The following PADI1 variants were observed in gnomAD, a reference collection of about 807,000 sequenced individuals.
PADI1 encodes peptidyl arginine deiminase 1, also known as protein-arginine deiminase type-1.
PADI1 carries 65 observed loss-of-function variants against 74.8 expected under a neutral mutation model. That is an observed-to-expected ratio of 0.87 (90% confidence interval 0.71 to 1.07). The LOEUF (loss-of-function observed/expected upper bound fraction) is 1.07. PADI1 is among the 50% of genes least tolerant of loss of function. The probability of loss-of-function intolerance (pLI) is 0.00; values close to 1 mark genes in which losing one functional copy is unlikely to be tolerated. For missense variants in PADI1, 943 were observed against 854.0 expected, an observed-to-expected ratio of 1.10 and a Z score of -1.30; for synonymous variants, 371 against 336.2, an observed-to-expected ratio of 1.10 and a Z score of -1.13.
At chr1:17,224,525 TC>T in intron 4 of PADI1, 97 bp downstream of exon 4, 1 of 933,296 alleles carries the variant, frequency 1.1e-6, no homozygotes, top group Non-Finnish European at 1.7e-6. Flanking sequence ...GAATGATGGA[TC>T]CCCAGGGTCT....
At chr1:17,224,220 G>T in intron 3 of PADI1, 147 bp from the exon 4 acceptor site, 1 of 680,798 alleles carries the variant, frequency 1.5e-6, no homozygotes, top group Non-Finnish European at 2.7e-6. Flanking sequence ...AGCCACAGAG[G>T]TCTCCCAAGT....
intron 1 of PADI1, among the ~76,000 whole-genome samples, chr1:17,210,737 C>A (rs893538378): frequency 6.6e-6 from 1 of 152,182 alleles, no homozygotes; most frequent in African/African-American, 2.4e-5. Flanking sequence ...GGACATCAGC[C>A]ATTGCCCTCC....
rs201459062 is a variant in PADI1 at position 17,228,792 on chromosome 1, C to T, written c.820C>T (p.Pro274Ser). The part of the protein sequence containing the change: ...LVSLSVSLVD[P>S]GTLPEVTLFT... Reference sequence around the variant, plus strand: ...TTCCCTCAGTGTCAGCCTGGTGGACCCGGGGGTGTGTACAGCACTGGGGGG... The same window carrying T: ...TTCCCTCAGTGTCAGCCTGGTGGACTCGGGGGTGTGTACAGCACTGGGGGG... The change falls in exon 7 of 16, where the codon CCG becomes TCG. Residue 274 changes from proline to serine, a missense_variant. By Grantham distance (74) the Pro-to-Ser change is moderately conservative. Coordinates refer to ENST00000375471, the MANE Select transcript of PADI1 (RefSeq NM_013358.3). 3.7e-6 allele frequency: 6 copies of T among 1,613,798 alleles called. No individual in the cohort carries two copies. The highest frequency in any genetic ancestry group is 5.1e-6 in the Non-Finnish European group (6 of 1,179,918).
chr1:17,229,074 C>T (rs2072412253), intron 8 of PADI1, 23 bp downstream of exon 8: 23 of 1,442,242 alleles, frequency 1.6e-5, no homozygotes, highest in Non-Finnish European at 2.1e-5. Flanking sequence ...CCCTCCAGCC[C>T]TCCCCCAAGT....
intron 1 of PADI1, among the ~76,000 whole-genome samples, chr1:17,210,579 C>A (rs938384564): frequency 6.6e-6 from 1 of 152,082 alleles, no homozygotes; most frequent in Non-Finnish European, 1.5e-5. Context: ...TCAGCCTGGG[C>A]TCTCTGGGCG....
rs188868915 is a variant in PADI1 at position 17,230,947 on chromosome 1, C to T, written c.1161+268C>T. Among the ~76,000 whole-genome samples the T allele has an allele frequency of 9.8e-5, 15 of 152,290 alleles. No homozygotes were observed. In the East Asian group the frequency reaches 1.7e-3, roughly 18 times the overall value. On this transcript the variant is annotated intron_variant, in intron 10 of 15. Transcript: ENST00000375471. Reference sequence around the variant, plus strand: ...GTCAGCAGCCCTCTTCTGGATAAGGCGGCTGGTCACCAAGGGGGAATTGGC... The same window carrying T: ...GTCAGCAGCCCTCTTCTGGATAAGGTGGCTGGTCACCAAGGGGGAATTGGC...
At chr1:17,223,515 G>A (rs1034301483) in intron 2 of PADI1, 106 bp from the exon 3 acceptor site, 2 of 881,998 alleles carry the variant, frequency 2.3e-6, no homozygotes, top group East Asian at 5.0e-5. Context: ...GGGTCTCCAG[G>A]CCTCCTGTGC....
At chr1:17,207,696 C>T (rs1025695560) in intron 1 of PADI1, among the ~76,000 whole-genome samples, 20 of 152,212 alleles carry the variant, frequency 1.3e-4, no homozygotes, top group African/African-American at 4.3e-4. Context: ...GGAGGGGCAA[C>T]GGGAAGTTGC....
chr1:17,219,664 G>A (rs1012461460), intron 1 of PADI1, among the ~76,000 whole-genome samples: 3 of 152,066 alleles, frequency 2.0e-5, no homozygotes, highest in Non-Finnish European at 2.9e-5. Flanking sequence ...AGGACAGAGC[G>A]ATGGTGTGCA....
chr1:17,222,973 A>G (rs374724240), intron 2 of PADI1, among the ~76,000 whole-genome samples: 6 of 101,332 alleles, frequency 5.9e-5, no homozygotes, highest in African/African-American at 3.2e-4. Context: ...AATCCTAGAC[A>G]TGGCCCTTTC....
At chr1:17,222,229 G>C in intron 1 of PADI1, 61 bp from the exon 2 acceptor site, 1 of 1,295,818 alleles carries the variant, frequency 7.7e-7, no homozygotes, top group South Asian at 1.2e-5. Flanking sequence ...ACCCCACTGT[G>C]GCCACTCCCC....
At chr1:17,223,762 G>C in intron 3 of PADI1, 69 bp downstream of exon 3, 2 of 1,316,328 alleles carry the variant, frequency 1.5e-6, no homozygotes, top group Non-Finnish European at 2.2e-6. Flanking sequence ...GAGGGTCTTA[G>C]TGGATTCCTT....
chr1:17,208,922 G>A (rs1377813978), intron 1 of PADI1, among the ~76,000 whole-genome samples: 2 of 152,100 alleles, frequency 1.3e-5, no homozygotes, highest in Non-Finnish European at 2.9e-5. Flanking sequence ...TAGGAGACAG[G>A]GACATTCTCC....
At chr1:17,230,719 T>A (rs1432300871) in intron 10 of PADI1, 40 bp downstream of exon 10, 2 of 1,239,142 alleles carry the variant, frequency 1.6e-6, no homozygotes, top group Non-Finnish European at 2.3e-6. Flanking sequence ...CCTGGTTGGG[T>A]CCTCCTGGAG....
intron 14 of PADI1, chr1:17,240,041 G>T: frequency 2.1e-6 from 1 of 466,226 alleles, no homozygotes; most frequent in East Asian, 3.5e-5. Flanking sequence ...TATTTTCACA[G>T]AAGCAAATCT....
At chr1:17,240,532 C>T in intron 14 of PADI1, 103 bp from the exon 15 acceptor site, 2 of 1,292,432 alleles carry the variant, frequency 1.5e-6, no homozygotes, top group Non-Finnish European at 2.2e-6. Flanking sequence ...CTTGAAGGAG[C>T]TAGCGGGCCC....
Position 17,244,282 on chromosome 1 carries a change from G to A in PADI1, c.*39G>A. On this transcript the variant is annotated 3_prime_UTR_variant, in exon 16 of 16. Coordinates refer to ENST00000375471, the MANE Select transcript of PADI1 (RefSeq NM_013358.3). ...CGCCATCCTCTCTGCCCTCTTGCTA[G>A]GGAACCCTGCCAGGGTGAAGGCAAG... 4 of 1,502,902 alleles carry A rather than the reference G, an allele frequency of 2.7e-6. No individual in the cohort carries two copies. The South Asian group carries it at 4.5e-5, about 17-fold the overall frequency. 93.1% of individuals were successfully genotyped at this position (1,502,902 alleles called of 1,614,324 possible).
intron 1 of PADI1, among the ~76,000 whole-genome samples, chr1:17,213,194 G>A (rs2071880121): frequency 9.8e-5 from 1 of 10,160 alleles, no homozygotes; most frequent in Non-Finnish European, 2.4e-4. Flanking sequence ...CTCCTACCAG[G>A]CTGGTAGGAG....
chr1:17,231,901 C>T (rs1440781867), intron 10 of PADI1, among the ~76,000 whole-genome samples: 1 of 151,884 alleles, frequency 6.6e-6, no homozygotes, highest in Non-Finnish European at 1.5e-5. Context: ...CATCCCCTCA[C>T]CCCACATCAG....
Sources: allele counts gnomAD v4.1 joint callset (sites outside exome capture counted in the v4.1 genomes callset), GRCh38; gene constraint gnomAD v4.1.1; transcripts MANE v1.5; gene names NCBI Gene and HGNC (gene_info 2026-07-23, HGNC 2026-07-21).